PNPLA6: variants seen among roughly 807,000 people sequenced by gnomAD.
The protein encoded by PNPLA6 is patatin-like phospholipase domain-containing protein 6.
PNPLA6 carries 105 observed loss-of-function variants against 153.7 expected under a neutral mutation model. That is an observed-to-expected ratio of 0.68 (90% CI 0.58 to 0.80). The LOEUF (loss-of-function observed/expected upper bound fraction) is 0.80. Ranked by LOEUF, PNPLA6 falls within the 30% of genes least tolerant of loss-of-function variation. PNPLA6 has a pLI of 0.00. For synonymous variants in PNPLA6, 825 were observed against 822.2 expected, an observed-to-expected ratio of 1.00 and a Z score of -0.06; for missense variants, 1,423 against 1,919.3, an observed-to-expected ratio of 0.74 and a Z score of 4.83.
At chr19:7,561,374 G>A (rs534389400) in intron 31 of PNPLA6, 57 bp downstream of exon 31, 5 of 1,453,340 alleles carry the variant, frequency 3.4e-6, no homozygotes, top group East Asian at 2.3e-5. Flanking sequence ...TGAGTACAGT[G>A]TCAGGCAGGG....
chr19:7,542,419 C>T (rs963645684), intron 10 of PNPLA6, 142 bp from the exon 11 acceptor site: 15 of 717,842 alleles, frequency 2.1e-5, no homozygotes, highest in South Asian at 6.1e-5. Context: ...ACTGCAGCCT[C>T]GAACTCCTAT....
At chr19:7,550,831 C>G in intron 16 of PNPLA6, 163 bp from the exon 17 acceptor site, 2 of 898,162 alleles carry the variant, frequency 2.2e-6, no homozygotes, top group Non-Finnish European at 1.7e-6. Context: ...GATCCCTGTC[C>G]TCTCCCTCTC....
Position 7,555,163 on chromosome 19 carries a change from A to T in PNPLA6, c.2818-86A>T. 2.0e-6 allele frequency: 3 copies of T among 1,519,776 alleles called. No individual in the cohort carries two copies. Among genetic ancestry groups the T allele is most frequent in the Non-Finnish European group, 2.7e-6 (3 of 1,124,834 alleles). The allele number at this position is 1,519,776 out of a possible 1,614,324, so 94.1% of individuals were successfully genotyped here. On this transcript the variant is annotated intron_variant, in intron 22 of 31. Transcript: ENST00000600737. The surrounding 1 kb of genome is among the most constrained non-coding windows in gnomAD (Gnocchi z 6.3). Reference sequence around the variant, plus strand: ...GGGGCGGGGCCTGGGAGGGCTGAGGACAGGCTCGAAGGTCAGGGTACCCCT... The same window carrying T: ...GGGGCGGGGCCTGGGAGGGCTGAGGTCAGGCTCGAAGGTCAGGGTACCCCT...
At position 7,551,361 on chromosome 19, in the gene PNPLA6, G is replaced by T. The variant is rs606231249; in HGVS notation, c.2185-1G>T. On this transcript the variant is annotated splice_acceptor_variant, in intron 17 of 31. Transcript: ENST00000600737. LOFTEE classifies it high-confidence loss of function. ...GAAATGCCGGCCTCCAACGCCCCCA[G>T]GTCGTGACCCGCCTTATCCACCTAC... 1.9e-6 allele frequency: 3 copies of T among 1,613,874 alleles called. No homozygotes were observed. Among genetic ancestry groups the T allele is most frequent in the Non-Finnish European group, 2.5e-6 (3 of 1,179,970 alleles).
chr19:7,544,002 AG>A (rs1382463003), intron 13 of PNPLA6, among the ~76,000 whole-genome samples: 1 of 146,950 alleles, frequency 6.8e-6, no homozygotes, highest in African/African-American at 2.5e-5. Context: ...TTTACTAGAG[AG>A]GGGGTTTCAC....
At position 7,542,919 on chromosome 19, in the gene PNPLA6, G is replaced by T; in HGVS notation, c.1521G>T (p.Met507Ile). 6.2e-7 allele frequency: 1 copy of T among 1,613,684 alleles called. No homozygotes were observed. The part of the protein sequence containing the change: ...EAAKQELAKL[M>I]RIEDPSLLNS... ...CAAAGCAGGAGCTGGCCAAGCTGAT[G>T]CGGATTGAGGTGGGCAGCCGAGGGG... Residue 507 changes from methionine to isoleucine, a missense_variant, in exon 12 of 32, where the codon ATG becomes ATT. Physicochemically the swap from Met to Ile is conservative, Grantham distance 10. Transcript: ENST00000600737.
At position 7,554,273 on chromosome 19, in the gene PNPLA6, G is replaced by A; in HGVS notation, c.2465+1G>A. 2 of 1,613,022 alleles carry A rather than the reference G, an allele frequency of 1.2e-6. No individual in the cohort carries two copies. The highest frequency in any genetic ancestry group is 1.7e-6 in the Non-Finnish European group (2 of 1,179,052). The stretch of plus-strand genomic sequence containing the variant: ...GCCTGGGGGCCTCCGCACTGGATAG[G>A]TGTGTGTTGCAGAAGGGAGTGGGGA... On this transcript the variant is annotated splice_donor_variant, in intron 20 of 31. Transcript: ENST00000600737. LOFTEE classifies it high-confidence loss of function.
In PNPLA6 at chr19:7,540,614, G is replaced by T; in HGVS notation, c.715-16G>T. The T allele has an allele frequency of 6.2e-7, 1 of 1,604,804 alleles. No individual in the cohort carries two copies. The highest frequency in any genetic ancestry group is 1.1e-5 in the South Asian group (1 of 90,890). ...AGGGCGAGGCCACTGAGGGTCCACG[G>T]TCTCCTGTGTCTCAGGACGGGAAGG... is the stretch of plus-strand genomic sequence containing the variant. On this transcript the variant is annotated splice_polypyrimidine_tract_variant and intron_variant, in intron 5 of 31. Transcript: ENST00000600737. This position sits in a 1 kb window ranked among gnomAD's most constrained non-coding sequence, Gnocchi z 6.8.
rs2023078042 is a variant in PNPLA6 at position 7,540,417 on chromosome 19, G to A, written c.714+109G>A. 7.8e-7 allele frequency: 1 copy of A among 1,290,036 alleles called. No individual in the cohort carries two copies. The highest frequency in any genetic ancestry group is 1.1e-6 in the Non-Finnish European group (1 of 931,718). The allele number at this position is 1,290,036 out of a possible 1,614,324, so 79.9% of individuals were successfully genotyped here. On this transcript the variant is annotated intron_variant, in intron 5 of 31. Coordinates refer to ENST00000600737, the MANE Select transcript of PNPLA6 (RefSeq NM_001166114.2). The surrounding 1 kb of genome is among the most constrained non-coding windows in gnomAD (Gnocchi z 6.8). ...TTTGGAGATGCGTCATCGGGAGTCA[G>A]GGGAACGGGTGACCGAGGACATTTG...
intron 27 of PNPLA6, chr19:7,557,495 A>G: frequency 3.2e-6 from 2 of 624,664 alleles, no homozygotes; most frequent in South Asian, 1.7e-5. Context: ...GTTGAGATCT[A>G]CATTCTGGCC....
rs543057811 is a variant in PNPLA6 at position 7,546,619 on chromosome 19, G to A, written c.1609-3288G>A. Among the ~76,000 whole-genome samples the A allele has an allele frequency of 5.3e-5, 8 of 152,270 alleles. No individual in the cohort carries two copies. The South Asian group carries it at 1.4e-3, about 28-fold the overall frequency. ...AGACAGGGTTTCGCCATGTTGGCCA[G>A]GATGGTCTTGAACTCCTGACCTGAG... On this transcript the variant is annotated intron_variant, in intron 13 of 31. Transcript: ENST00000600737.
At chr19:7,536,313 A>G (rs780507308) in intron 2 of PNPLA6, 40 bp downstream of exon 2, 2 of 1,517,850 alleles carry the variant, frequency 1.3e-6, no homozygotes, top group Non-Finnish European at 1.8e-6. Context: ...GACCACACAG[A>G]GGCCGCGCCC....
Position 7,545,417 on chromosome 19 carries a change from C to A in PNPLA6, c.1608+2333C>A, listed in dbSNP as rs1049782766. The stretch of plus-strand genomic sequence containing the variant: ...CCCAGGGGTCCCTGCAGTGTTTTGG[C>A]AGGTGGAGCTTCACTGGGTACCAGA... On this transcript the variant is annotated intron_variant, in intron 13 of 31. Transcript: ENST00000600737. Among the ~76,000 whole-genome samples, 3 of 152,244 alleles carry A rather than the reference C, an allele frequency of 2.0e-5. No individual in the cohort carries two copies. In the East Asian group the frequency reaches 5.8e-4, roughly 29 times the overall value.
chr19:7,552,605 ATTAGTCGGGTG>A (rs1183432543), intron 18 of PNPLA6, among the ~76,000 whole-genome samples: 1 of 151,964 alleles, frequency 6.6e-6, no homozygotes, highest in Non-Finnish European at 1.5e-5. Context: ...AAGTACAAAA[ATTAGTCGGGTG>A]TGGTGGTGGG....
intron 18 of PNPLA6, among the ~76,000 whole-genome samples, 154 bp downstream of exon 18, chr19:7,551,591 G>A (rs2023654795): frequency 6.6e-6 from 1 of 152,182 alleles, no homozygotes; most frequent in Admixed American, 6.5e-5. Context: ...TAGGACCCAG[G>A]TGCAGAGCAT....
At chr19:7,553,282 C>T (rs1026186834) in intron 18 of PNPLA6, among the ~76,000 whole-genome samples, 46 of 152,140 alleles carry the variant, frequency 3.0e-4, no homozygotes, top group African/African-American at 9.7e-4. Flanking sequence ...GACAGGGTCT[C>T]GCTCTGTAGC....
At position 7,540,856 on chromosome 19, in the gene PNPLA6, T is replaced by G; in HGVS notation, c.796-67T>G. 6.2e-7 allele frequency: 1 copy of G among 1,607,232 alleles called. No homozygotes were observed. Among genetic ancestry groups the G allele is most frequent in the East Asian group, 2.2e-5 (1 of 44,852 alleles). On this transcript the variant is annotated intron_variant, in intron 6 of 31. Coordinates refer to ENST00000600737, the MANE Select transcript of PNPLA6 (RefSeq NM_001166114.2). The surrounding 1 kb of genome is among the most constrained non-coding windows in gnomAD (Gnocchi z 6.8). ...TCACGGGACTGGCGCCAGGAAGGAT[T>G]AGGGGAGTAGCGAGGGGGACTCGCA...
rs746248659 is a variant in PNPLA6, at chr19:7,541,036, G to A, written c.909G>A (p.Leu303=). The A allele has an allele frequency of 5.6e-6, 9 of 1,609,600 alleles. No individual in the cohort carries two copies. In the South Asian group the frequency reaches 1.0e-4, roughly 18 times the overall value. The change falls in exon 7 of 32, where the codon TTG becomes TTA. Residue 303 remains leucine, a synonymous_variant. Coordinates refer to ENST00000600737, the MANE Select transcript of PNPLA6 (RefSeq NM_001166114.2). The surrounding 1 kb of genome is among the most constrained non-coding windows in gnomAD (Gnocchi z 5.2). ...SAVFTKYPES[L]VRVVQIIMVR... ...TCTTCACCAAGTACCCGGAGAGCTT[G>A]GTGCGGGTCGTGCAGGTCAGTGGGC... is the stretch of plus-strand genomic sequence containing the variant.
rs755352257 is a variant in PNPLA6 at position 7,554,655 on chromosome 19, C to T, written c.2566C>T (p.Arg856Cys). The T allele has an allele frequency of 6.2e-7, 1 of 1,613,950 alleles. No homozygotes were observed. Among genetic ancestry groups the T allele is most frequent in the Non-Finnish European group, 8.5e-7 (1 of 1,179,998 alleles). Residue 856 changes from arginine to cysteine, a missense_variant, in exon 21 of 32, where the codon CGC (arginine) becomes TGC (cysteine). Transcript: ENST00000600737. The part of the protein sequence containing the change: ...TDASLTPWTV[R>C]CLRQADCILI... ...CGCCTCGCTGACGCCCTGGACCGTG[C>T]GCTGCCTGCGACAGGCCGACTGCAT...
Sources: gnomAD v4.1 joint callset for allele counts (sites outside exome capture counted in the v4.1 genomes callset) on GRCh38, gnomAD v4.1.1 for gene constraint, Gnocchi (gnomAD v3.1) non-coding constraint, MANE v1.5 for transcripts, NCBI Gene and HGNC (gene_info 2026-07-23, HGNC 2026-07-21) for gene names.